RHOT1: variants seen among roughly 807,000 people sequenced by gnomAD.
The protein encoded by RHOT1 is ras homolog family member T1, also known as mitochondrial Rho GTPase 1.
A neutral mutation model predicts 95.3 loss-of-function variants in RHOT1; 27 were observed. That is an observed-to-expected ratio of 0.28 (90% CI 0.21 to 0.39). RHOT1 has a LOEUF of 0.39. Among genes scored for constraint, RHOT1 ranks in the 10% least tolerant of loss-of-function variants. The probability of loss-of-function intolerance (pLI) is 1.00; values close to 1 mark genes in which losing one functional copy is unlikely to be tolerated. For synonymous variants in RHOT1, 227 were observed against 263.5 expected (o/e 0.86, Z 1.34); for missense variants, 578 against 786.7 (o/e 0.73, Z 3.17).
At chr17:32,192,603 G>A (rs1423224104) in intron 9 of RHOT1, among the ~76,000 whole-genome samples, 2 of 150,234 alleles carry the variant, frequency 1.3e-5, no homozygotes, top group Non-Finnish European at 3.0e-5. Context: ...AAAGAGCCCT[G>A]TGTTTTAGAA....
At chr17:32,165,115 C>T (rs768932349) in intron 1 of RHOT1, among the ~76,000 whole-genome samples, 4 of 151,898 alleles carry the variant, frequency 2.6e-5, no homozygotes, top group Admixed American at 6.6e-5. Context: ...CCAAGGCAGG[C>T]GGATCACAAG....
intron 8 of RHOT1, among the ~76,000 whole-genome samples, chr17:32,184,221 T>C (rs1016831152): frequency 6.6e-6 from 1 of 152,150 alleles, no homozygotes; most frequent in Non-Finnish European, 1.5e-5. Flanking sequence ...ACCCTGTACC[T>C]ATTAGCAGTC....
At chr17:32,143,169 G>C in intron 1 of RHOT1, 9 of 495,276 alleles carry the variant, frequency 1.8e-5, no homozygotes. Flanking sequence ...GGAATAAGCA[G>C]ACTGACCAAT....
intron 1 of RHOT1, among the ~76,000 whole-genome samples, chr17:32,149,631 A>ATGTGTGTGTGTGTGTGTG (rs1417047494): frequency 4.8e-4 from 42 of 88,128 alleles, no homozygotes; most frequent in South Asian, 1.3e-3. Flanking sequence ...ATATATATAT[A>ATGTGTGTGTGTGTGTGTG]TATATGTGTG....
Position 32,182,872 on chromosome 17 carries a change from C to G in RHOT1, c.438+7C>G. The G allele has an allele frequency of 6.8e-7, 1 of 1,467,300 alleles. No homozygotes were observed. Among genetic ancestry groups the G allele is most frequent in the South Asian group, 1.2e-5 (1 of 82,128 alleles). The allele number at this position is 1,467,300 out of a possible 1,614,324, so 90.9% of individuals were successfully genotyped here. A position where few individuals can be genotyped will look rare whatever the true frequency, so the allele number is the denominator to read the frequency against. On this transcript the variant is annotated splice_region_variant and intron_variant, in intron 7 of 19. Transcript: ENST00000545287. Reference sequence around the variant, plus strand: ...AATAGAAACCTGTGTGGAGGTATGCCTTGTAATTTGATTTGAAAATTTATT... The same window carrying G: ...AATAGAAACCTGTGTGGAGGTATGCGTTGTAATTTGATTTGAAAATTTATT...
intron 8 of RHOT1, among the ~76,000 whole-genome samples, chr17:32,190,454 C>G (rs1345048015): frequency 7.0e-6 from 1 of 142,826 alleles, no homozygotes; most frequent in East Asian, 2.0e-4. Context: ...GATTCTGTCT[C>G]AAAAAAAAAA....
intron 6 of RHOT1, among the ~76,000 whole-genome samples, chr17:32,182,284 C>T (rs762748819): frequency 5.9e-5 from 9 of 152,116 alleles, no homozygotes; most frequent in Non-Finnish European, 1.2e-4. Flanking sequence ...TTGAGACTAG[C>T]CTAGGCAATA....
At chr17:32,210,411 G>T (rs529278475) in intron 18 of RHOT1, among the ~76,000 whole-genome samples, 1 of 152,146 alleles carries the variant, frequency 6.6e-6, no homozygotes, top group Non-Finnish European at 1.5e-5. Flanking sequence ...TTTCATATCT[G>T]ATTTCAATTG....
intron 19 of RHOT1, among the ~76,000 whole-genome samples, chr17:32,220,805 CA>C (rs35901144): frequency 6.2e-3 from 616 of 99,004 alleles, no homozygotes; most frequent in African/African-American, 0.014. Flanking sequence ...GACTCTGTCT[CA>C]AAAAAAAAAA....
At chr17:32,152,340 G>A (rs545949386) in intron 1 of RHOT1, among the ~76,000 whole-genome samples, 42 of 152,352 alleles carry the variant, frequency 2.8e-4, no homozygotes, top group South Asian at 2.1e-4. Context: ...GAGCAGAGCT[G>A]TGAAGAAATC....
intron 9 of RHOT1, among the ~76,000 whole-genome samples, 164 bp from the exon 10 acceptor site, chr17:32,192,972 T>C (rs1428482949): frequency 6.6e-6 from 1 of 152,252 alleles, no homozygotes; most frequent in Non-Finnish European, 1.5e-5. Flanking sequence ...GCCCATGTTT[T>C]ACTTAAATAA....
At chr17:32,149,659 G>GTGTGTGTA (rs1555545634) in intron 1 of RHOT1, among the ~76,000 whole-genome samples, 1 of 131,658 alleles carries the variant, frequency 7.6e-6, no homozygotes, top group South Asian at 2.3e-4. Flanking sequence ...GTGTGTGTGT[G>GTGTGTGTA]TGTATACACA....
At chr17:32,210,494 G>T (rs549310927) in intron 18 of RHOT1, among the ~76,000 whole-genome samples, 25 of 152,158 alleles carry the variant, frequency 1.6e-4, no homozygotes, top group Non-Finnish European at 3.2e-4. Flanking sequence ...TTGGGTAGCA[G>T]ATGAAATCAA....
intron 7 of RHOT1, 71 bp from the exon 8 acceptor site, chr17:32,183,100 T>C (rs1465202339): frequency 1.6e-6 from 2 of 1,267,528 alleles, no homozygotes; most frequent in South Asian, 1.4e-5. Flanking sequence ...TTTTTTGCCT[T>C]ATGTTGATAA....
chr17:32,180,358 C>T (rs558170612), intron 6 of RHOT1, among the ~76,000 whole-genome samples: 15 of 152,154 alleles, frequency 9.9e-5, no homozygotes, highest in African/African-American at 3.6e-4. Flanking sequence ...AACCTTACCC[C>T]CAACCCTGTG....
intron 19 of RHOT1, among the ~76,000 whole-genome samples, chr17:32,218,214 C>T (rs1294613048): frequency 2.6e-5 from 4 of 151,930 alleles, no homozygotes; most frequent in South Asian, 2.1e-4. Context: ...AAGGGCCAAG[C>T]GCAGTGGCTC....
chr17:32,207,829 G>A (rs948581930), intron 17 of RHOT1, among the ~76,000 whole-genome samples: 4 of 149,610 alleles, frequency 2.7e-5, no homozygotes, highest in Admixed American at 6.6e-5. Context: ...AAATATGTGT[G>A]TTTAATGTGT....
intron 8 of RHOT1, among the ~76,000 whole-genome samples, chr17:32,184,502 A>AT (rs1169957108): frequency 3.5e-4 from 49 of 139,804 alleles, no homozygotes; most frequent in Admixed American, 3.5e-3. Context: ...ATTTTTTTTT[A>AT]TTTTTTGAGG....
At chr17:32,168,657 C>A (rs186959966) in intron 1 of RHOT1, among the ~76,000 whole-genome samples, 1 of 149,498 alleles carries the variant, frequency 6.7e-6, no homozygotes, top group East Asian at 1.9e-4. Context: ...TTTATATATA[C>A]GCCTCATAAA....
Sources: gnomAD v4.1 joint callset for allele counts (sites outside exome capture counted in the v4.1 genomes callset) on GRCh38, gnomAD v4.1.1 for gene constraint, MANE v1.5 for transcripts, NCBI Gene and HGNC (gene_info 2026-07-23, HGNC 2026-07-21) for gene names.